Variants in OR5A1 observed in about 807,000 individuals in gnomAD.
OR5A1 encodes the protein olfactory receptor family 5 subfamily A member 1.
OR5A1 carries 6 observed loss-of-function variants against 6.7 expected under a neutral mutation model. The ratio of observed to expected loss-of-function variants is 0.89; its 90% CI spans 0.49 to 1.76. The LOEUF is 1.76. OR5A1 is among the 40% of genes most tolerant of loss of function. The pLI is 0.01. For missense variants in OR5A1, 378 were observed against 381.7 expected, an observed-to-expected ratio of 0.99 and a Z score of 0.08; for synonymous variants, 170 against 155.0, an observed-to-expected ratio of 1.10 and a Z score of -0.72.
Position 59,444,162 on chromosome 11 carries a change from A to C in OR5A1, c.*46A>C. 4 of 1,327,310 alleles carry C rather than the reference A, an allele frequency of 3.0e-6. No homozygotes were observed. Among genetic ancestry groups the C allele is most frequent in the Non-Finnish European group, 3.2e-6 (3 of 941,672 alleles). 82.2% of individuals were successfully genotyped at this position (1,327,310 alleles called of 1,614,324 possible). A position where few individuals can be genotyped will look rare whatever the true frequency, so the allele number is the denominator to read the frequency against. On this transcript the variant is annotated 3_prime_UTR_variant, in exon 2 of 2. Transcript: ENST00000641045. ...TATCCAAACTGCTGGAGAATTAAAC[A>C]ATCCAAGCCTTCACCTCCACCTCTG...
intron 1 of OR5A1, among the ~76,000 whole-genome samples, chr11:59,437,813 T>C (rs990745522): frequency 6.6e-6 from 1 of 152,240 alleles, no homozygotes; most frequent in Non-Finnish European, 1.5e-5. Context: ...GTTTTATTAA[T>C]TGTTGTATAC....
At position 59,444,301 on chromosome 11, in the gene OR5A1, A is replaced by T; in HGVS notation, c.*185A>T. Reference sequence around the variant, plus strand: ...CTGACTGTGCCATAGATAGCCAAAAAGGGAAGGAATTTCTTCAGAAAAAAA... The same window carrying T: ...CTGACTGTGCCATAGATAGCCAAAATGGGAAGGAATTTCTTCAGAAAAAAA... On this transcript the variant is annotated 3_prime_UTR_variant, in exon 2 of 2. Coordinates refer to ENST00000641045, the MANE Select transcript of OR5A1 (RefSeq NM_001004728.2). 1 of 239,160 alleles carries T rather than the reference A, an allele frequency of 4.2e-6. No homozygotes were observed. The highest frequency in any genetic ancestry group is 8.1e-6 in the Non-Finnish European group (1 of 124,048). 14.8% of individuals were successfully genotyped at this position (239,160 alleles called of 1,614,324 possible).
chr11:59,448,504 A>T lies in OR5A1; in HGVS notation c.*4388A>T. The T allele has an allele frequency of 6.6e-6, 1 of 152,192 alleles. No individual in the cohort carries two copies. Among genetic ancestry groups the T allele is most frequent in the Non-Finnish European group, 1.5e-5 (1 of 68,030 alleles). 9.4% of individuals were successfully genotyped at this position (152,192 alleles called of 1,614,324 possible). A position where few individuals can be genotyped will look rare whatever the true frequency, so the allele number is the denominator to read the frequency against. ...CTTACAGGATTATTATGAGCCCAAA[A>T]AAAGAAAATTGATTTTTAGAAATCT... is the stretch of plus-strand genomic sequence containing the variant. On this transcript the variant is annotated 3_prime_UTR_variant, in exon 2 of 2. Coordinates refer to ENST00000641045, the MANE Select transcript of OR5A1 (RefSeq NM_001004728.2).
chr11:59,443,372 C>T lies in OR5A1; in HGVS notation c.204C>T (p.Asn68=), dbSNP rs372124268. 530 of 1,613,848 alleles carry T rather than the reference C, an allele frequency of 3.3e-4. 3 individuals carry two copies. The South Asian group carries it at 5.5e-3, about 17-fold the overall frequency. Residue 68 remains asparagine, a synonymous_variant, in exon 2 of 2, where the codon AAC becomes AAT. Transcript: ENST00000641045. ...LHTPMYFFLS[N]LSFIDICYSS... ...CACCCATGTACTTCTTCCTAAGCAA[C>T]TTATCTTTCATTGACATCTGCTACT... is the stretch of plus-strand genomic sequence containing the variant.
At chr11:59,442,539 AT>A (rs1858492773) in intron 1 of OR5A1, among the ~76,000 whole-genome samples, 1 of 152,262 alleles carries the variant, frequency 6.6e-6, no homozygotes, top group Non-Finnish European at 1.5e-5. Context: ...ACATTAGTAT[AT>A]TTGGACCCAA....
At position 59,451,325 on chromosome 11, in the gene OR5A1, C is replaced by T. The variant is rs1221280876; in HGVS notation, c.*7209C>T. Reference sequence around the variant, plus strand: ...TCATGAGCTCAAGAGATCCTCCCTCCTTGGCCTCCTAATATATTTATCTGA... The same window carrying T: ...TCATGAGCTCAAGAGATCCTCCCTCTTTGGCCTCCTAATATATTTATCTGA... On this transcript the variant is annotated 3_prime_UTR_variant, in exon 2 of 2. Coordinates refer to ENST00000641045, the MANE Select transcript of OR5A1 (RefSeq NM_001004728.2). 6.6e-6 allele frequency: 1 copy of T among 152,150 alleles called. No homozygotes were observed. Among genetic ancestry groups the T allele is most frequent in the Non-Finnish European group, 1.5e-5 (1 of 68,030 alleles). 9.4% of individuals were successfully genotyped at this position (152,150 alleles called of 1,614,324 possible). A position where few individuals can be genotyped will look rare whatever the true frequency, so the allele number is the denominator to read the frequency against.
chr11:59,439,212 A>G (rs1858454962), intron 1 of OR5A1, among the ~76,000 whole-genome samples: 1 of 152,206 alleles, frequency 6.6e-6, no homozygotes, highest in Admixed American at 6.5e-5. Flanking sequence ...AGAATCATAA[A>G]TCAACTCTAC....
At chr11:59,438,208 C>A (rs1328345260) in intron 1 of OR5A1, among the ~76,000 whole-genome samples, 1 of 152,132 alleles carries the variant, frequency 6.6e-6, no homozygotes, top group Non-Finnish European at 1.5e-5. Flanking sequence ...AATTATCCAG[C>A]CTCAGGTAGT....
chr11:59,443,545 A>G lies in OR5A1; in HGVS notation c.377A>G (p.Tyr126Cys). The stretch of plus-strand genomic sequence containing the variant: ...CTGACTGCTATGGCATACGACCGAT[A>G]TGCAGCCATCTCCAGCCCCCTTCTC... ...LLLTAMAYDR[Y>C]AAISSPLLYP... is the part of the protein sequence containing the mutation. The change falls in exon 2 of 2, where the codon TAT (tyrosine) becomes TGT (cysteine). Residue 126 changes from tyrosine (Y) to cysteine (C), a missense_variant. Physicochemically the swap from Tyr to Cys is radical, Grantham distance 194 (BLOSUM62 -2). Coordinates refer to ENST00000641045, the MANE Select transcript of OR5A1 (RefSeq NM_001004728.2). 6.2e-7 allele frequency: 1 copy of G among 1,613,844 alleles called. No homozygotes were observed. The highest frequency in any genetic ancestry group is 8.5e-7 in the Non-Finnish European group (1 of 1,179,974).
At position 59,443,933 on chromosome 11, in the gene OR5A1, T is replaced by G. The variant is rs573033309; in HGVS notation, c.765T>G (p.Phe255Leu). 7.9e-5 allele frequency: 128 copies of G among 1,614,134 alleles called. 3 individuals are homozygous for G. The South Asian group carries it at 1.4e-3, about 17-fold the overall frequency. Residue 255 changes from phenylalanine (F) to leucine (L), a missense_variant, in exon 2 of 2, where the codon TTT becomes TTG. Phe to Leu is a conservative substitution (Grantham distance 22, BLOSUM62 0). Coordinates refer to ENST00000641045, the MANE Select transcript of OR5A1 (RefSeq NM_001004728.2). Reference protein sequence around the residue: ...ASHLMVVTLLFGTALFVYLRP... With the variant: ...ASHLMVVTLLLGTALFVYLRP... Reference sequence around the variant, plus strand: ...ATCTGATGGTGGTGACTCTGCTGTTTGGGACAGCCCTTTTCGTGTACTTGC... The same window carrying G: ...ATCTGATGGTGGTGACTCTGCTGTTGGGGACAGCCCTTTTCGTGTACTTGC...
At chr11:59,442,649 C>T (rs12801029) in intron 1 of OR5A1, among the ~76,000 whole-genome samples, 28,891 of 152,048 alleles carry the variant, frequency 0.19, 3,471 homozygotes, top group Non-Finnish European at 0.27. Context: ...ATAGCTGAAC[C>T]TAGTTCCGTT....
At chr11:59,438,625 C>T (rs906373480) in intron 1 of OR5A1, among the ~76,000 whole-genome samples, 17 of 152,100 alleles carry the variant, frequency 1.1e-4, no homozygotes, top group Admixed American at 1.1e-3. Context: ...TACATTTGAG[C>T]CCTTGCAACT....
rs74958003 is a variant in OR5A1 at position 59,440,733 on chromosome 11, T to C, written c.-33-2403T>C. ...CCAAAGTTTGTTGCACGTTCCTCTT[T>C]TATTTCTTTGAAGGATAAAGAATCC... On this transcript the variant is annotated intron_variant, in intron 1 of 1. Coordinates refer to ENST00000641045, the MANE Select transcript of OR5A1 (RefSeq NM_001004728.2). Among the ~76,000 whole-genome samples, 339 of 152,302 alleles carry C rather than the reference T, an allele frequency of 2.2e-3. 2 individuals carry two copies. Among genetic ancestry groups the C allele is most frequent in the African/African-American group, 7.6e-3 (317 of 41,544 alleles).
rs1858582183 is a variant in OR5A1 at position 59,448,783 on chromosome 11, AT to A, written c.*4672del. 6.6e-6 allele frequency: 1 copy of A among 152,306 alleles called. No individual in the cohort carries two copies. The highest frequency in any genetic ancestry group is 2.4e-5 in the African/African-American group (1 of 41,572). The allele number at this position is 152,306 out of a possible 1,614,324, so 9.4% of individuals were successfully genotyped here. On this transcript the variant is annotated 3_prime_UTR_variant, in exon 2 of 2. Coordinates refer to ENST00000641045, the MANE Select transcript of OR5A1 (RefSeq NM_001004728.2). ...GATATACAAAACGCAATAAATATGC[AT>A]TTTTGGTCAATTATTATAATTGATC...
intron 1 of OR5A1, among the ~76,000 whole-genome samples, chr11:59,440,533 C>T (rs1263680980): frequency 6.6e-6 from 1 of 152,182 alleles, no homozygotes; most frequent in East Asian, 1.9e-4. Flanking sequence ...CTCCCACTCC[C>T]CTTTCTTCTA....
chr11:59,441,934 GAGATGATAGAT>G (rs905635244), intron 1 of OR5A1, among the ~76,000 whole-genome samples: 2 of 142,048 alleles, frequency 1.4e-5, no homozygotes, highest in African/African-American at 2.6e-5. Context: ...GATGGATAGA[GAGATGATAGAT>G]AGATAGATAG....
chr11:59,440,444 T>C (rs957008726), intron 1 of OR5A1, among the ~76,000 whole-genome samples: 4 of 152,150 alleles, frequency 2.6e-5, no homozygotes, highest in Admixed American at 2.6e-4. Context: ...TTGCCCAACA[T>C]CCCACAGCTG....
rs1287580664 is a variant in OR5A1, at chr11:59,451,268, A to C, written c.*7152A>C. The C allele has an allele frequency of 1.3e-5, 2 of 151,752 alleles. No individual in the cohort carries two copies. The highest frequency in any genetic ancestry group is 4.8e-5 in the African/African-American group (2 of 41,294). The allele number at this position is 151,752 out of a possible 1,614,324, so 9.4% of individuals were successfully genotyped here. A position where few individuals can be genotyped will look rare whatever the true frequency, so the allele number is the denominator to read the frequency against. ...CTTTCCCTTTTTTAATAGAGACAGGATCTTCCTATGTTGCCCAGGCTGGTC... is the reference window on the plus strand; with the variant it reads ...CTTTCCCTTTTTTAATAGAGACAGGCTCTTCCTATGTTGCCCAGGCTGGTC... On this transcript the variant is annotated 3_prime_UTR_variant, in exon 2 of 2. Transcript: ENST00000641045.
rs1251932538 is a variant in OR5A1 at position 59,447,832 on chromosome 11, C to T, written c.*3716C>T. On this transcript the variant is annotated 3_prime_UTR_variant, in exon 2 of 2. Transcript: ENST00000641045. ...CAGGCTTGCCCTGTTGCACTAATTGCGTAGATGAGAGAAAATCAGACTACA... is the reference window on the plus strand; with the variant it reads ...CAGGCTTGCCCTGTTGCACTAATTGTGTAGATGAGAGAAAATCAGACTACA... 10 of 152,084 alleles carry T rather than the reference C, an allele frequency of 6.6e-5. No individual in the cohort carries two copies. In the East Asian group the frequency reaches 1.7e-3, roughly 26 times the overall value. The allele number at this position is 152,084 out of a possible 1,614,324, so 9.4% of individuals were successfully genotyped here.
Sources: allele counts gnomAD v4.1 joint callset (sites outside exome capture counted in the v4.1 genomes callset), GRCh38; gene constraint gnomAD v4.1.1; transcripts MANE v1.5; gene names NCBI Gene and HGNC (gene_info 2026-07-23, HGNC 2026-07-21).